Variants in SPART observed in about 807,000 individuals in gnomAD.
SPART encodes spartin.
In SPART, 35 loss-of-function variants were observed where a neutral mutation model predicts 58.7. That is an observed-to-expected ratio of 0.60 (90% confidence interval 0.46 to 0.79). The LOEUF (loss-of-function observed/expected upper bound fraction) is 0.79. SPART is among the 30% of genes least tolerant of loss of function. The probability of loss-of-function intolerance (pLI) is 0.00; values close to 1 mark genes in which losing one functional copy is unlikely to be tolerated. For synonymous variants in SPART, 284 were observed against 280.7 expected (o/e 1.01, Z -0.12); for missense variants, 730 against 786.1 (o/e 0.93, Z 0.85).
At chr13:36,314,501 G>A in intron 5 of SPART, 80 bp from the exon 6 acceptor site, 3 of 1,372,336 alleles carry the variant, frequency 2.2e-6, no homozygotes, top group Admixed American at 1.7e-5. Flanking sequence ...ACATCAACCA[G>A]AAAAAAATAA....
intron 4 of SPART, among the ~76,000 whole-genome samples, chr13:36,327,809 G>A (rs1053805701): frequency 2.6e-5 from 4 of 152,142 alleles, no homozygotes; most frequent in African/African-American, 9.7e-5. Context: ...CCAACATGGT[G>A]AAACTGAAAC....
intron 1 of SPART, among the ~76,000 whole-genome samples, chr13:36,364,794 GTTGAC>G (rs1281857882): frequency 6.6e-6 from 1 of 152,138 alleles, no homozygotes; most frequent in African/African-American, 2.4e-5. Context: ...GTTTGCAAAA[GTTGAC>G]TTGACCAAGG....
chr13:36,358,597 C>G (rs1885714523), intron 1 of SPART, among the ~76,000 whole-genome samples: 1 of 152,104 alleles, frequency 6.6e-6, no homozygotes, highest in African/African-American at 2.4e-5. Context: ...TTCTGCAATC[C>G]AAAATATTTC....
intron 6 of SPART, among the ~76,000 whole-genome samples, chr13:36,312,922 G>A (rs1053786194): frequency 6.6e-6 from 1 of 150,400 alleles, no homozygotes; most frequent in African/African-American, 2.5e-5. Context: ...CCAGCTTAGC[G>A]TATTCATATT....
At chr13:36,326,512 ATCTT>A in intron 5 of SPART, 59 bp downstream of exon 5, 1 of 1,577,772 alleles carries the variant, frequency 6.3e-7, no homozygotes, top group Non-Finnish European at 8.7e-7. Flanking sequence ...AATAAACAAT[ATCTT>A]TATTTGGTTC....
intron 5 of SPART, among the ~76,000 whole-genome samples, chr13:36,323,891 A>G (rs1158740394): frequency 6.6e-6 from 1 of 152,228 alleles, no homozygotes; most frequent in Non-Finnish European, 1.5e-5. Context: ...TAAGTAATAA[A>G]GAAGTCCTCT....
chr13:36,350,357 T>C (rs1885362716), upstream of SPART, among the ~76,000 whole-genome samples: 1 of 152,218 alleles, frequency 6.6e-6, no homozygotes, highest in African/African-American at 2.4e-5. Context: ...AATTACATGG[T>C]GGACACTGAC....
In SPART at chr13:36,326,662, G is replaced by A; in HGVS notation, c.1201C>T (p.His401Tyr). Residue 401 changes from histidine (H) to tyrosine (Y), a missense_variant, in exon 5 of 9, where the codon CAC becomes TAC. Coordinates refer to ENST00000438666, the MANE Select transcript of SPART (RefSeq NM_015087.5). ...DTSSEEVNLS[H>Y]IVPCEPVPEE... ...GGAACTGGCTCACATGGTACAATGT[G>A]ACTCAGGTTAACTTCTTCACTTGAA... is the stretch of plus-strand genomic sequence containing the variant. 1.2e-6 allele frequency: 2 copies of A among 1,613,266 alleles called. No homozygotes were observed. The highest frequency in any genetic ancestry group is 1.7e-6 in the Non-Finnish European group (2 of 1,179,816).
At chr13:36,322,075 TTA>T (rs1882467290) in intron 5 of SPART, among the ~76,000 whole-genome samples, 1 of 152,088 alleles carries the variant, frequency 6.6e-6, no homozygotes, top group Non-Finnish European at 1.5e-5. Flanking sequence ...GGCCCCACCC[TTA>T]TCTCCCTTTG....
At chr13:36,350,624 G>C (rs888454040), upstream of SPART, among the ~76,000 whole-genome samples, 7 of 122,230 alleles carry the variant, frequency 5.7e-5, no homozygotes, top group African/African-American at 1.9e-4. Context: ...TTTCTCCCCT[G>C]TCTTTTTTTC....
At chr13:36,308,427 T>C (rs55708645) in intron 8 of SPART, 1 of 152,194 alleles carries the variant, frequency 6.6e-6, no homozygotes, top group Admixed American at 6.5e-5. Context: ...ACCTGGTTTT[T>C]ATTTAAATTC....
At chr13:36,368,336 T>G (rs1343366510) in intron 1 of SPART, 1 of 276,462 alleles carries the variant, frequency 3.6e-6, no homozygotes, top group Admixed American at 5.0e-5. Context: ...GAAGGACCAT[T>G]AAAAAAGGTA....
chr13:36,328,323 A>G (rs1047165456), intron 4 of SPART, among the ~76,000 whole-genome samples: 2 of 152,188 alleles, frequency 1.3e-5, no homozygotes, highest in African/African-American at 4.8e-5. Context: ...ACAATACTAA[A>G]CTGCCTATGA....
Position 36,331,484 on chromosome 13 carries a change from C to T in SPART, c.923G>A (p.Gly308Glu), listed in dbSNP as rs775909985. The change falls in exon 3 of 9, where the codon GGG becomes GAG. Residue 308 changes from glycine (G) to glutamate (E), a missense_variant. By Grantham distance (98) the Gly-to-Glu change is moderately conservative. Coordinates refer to ENST00000438666, the MANE Select transcript of SPART (RefSeq NM_015087.5). Reference sequence around the variant, plus strand: ...TGGTAACTCAGAGGACAGGACGACCCCCACAAAGCATCCTGCTGCTTGTAG... The same window carrying T: ...TGGTAACTCAGAGGACAGGACGACCTCCACAAAGCATCCTGCTGCTTGTAG... ...TMLQAAGCFV[G>E]VVLSSELPED... is the part of the protein sequence containing the mutation. 6.2e-7 allele frequency: 1 copy of T among 1,613,998 alleles called. No homozygotes were observed. The highest frequency in any genetic ancestry group is 8.5e-7 in the Non-Finnish European group (1 of 1,179,982).
rs547899073 is a variant in SPART at position 36,337,618 on chromosome 13, C to T, written c.-2-1786G>A. Among the ~76,000 whole-genome samples, 8 of 152,262 alleles carry T rather than the reference C, an allele frequency of 5.3e-5. No homozygotes were observed. In the East Asian group the frequency reaches 9.6e-4, roughly 18 times the overall value. ...AAGTTTCCTGAGGCCTCCCCAGCCA[C>T]GCAGAACTGAGTCAATTAAACCTCT... On this transcript the variant is annotated intron_variant, in intron 1 of 8. Coordinates refer to ENST00000438666, the MANE Select transcript of SPART (RefSeq NM_015087.5).
At chr13:36,335,969 A>G in intron 1 of SPART, 137 bp from the exon 2 acceptor site, 1 of 709,336 alleles carries the variant, frequency 1.4e-6, no homozygotes, top group Non-Finnish European at 2.4e-6. Context: ...CTATCCTTTA[A>G]GCCTACTATT....
intron 5 of SPART, among the ~76,000 whole-genome samples, chr13:36,324,985 C>T (rs1882775388): frequency 1.3e-5 from 2 of 152,120 alleles, no homozygotes; most frequent in Non-Finnish European, 2.9e-5. Context: ...GCCATTTTCA[C>T]TTCTTTTGTG....
intron 1 of SPART, among the ~76,000 whole-genome samples, chr13:36,341,825 A>G (rs1194350372): frequency 6.6e-6 from 1 of 152,210 alleles, no homozygotes; most frequent in African/African-American, 2.4e-5. Flanking sequence ...TATACAATTG[A>G]CCATATACAG....
intron 2 of SPART, among the ~76,000 whole-genome samples, chr13:36,332,619 T>C (rs1883564007): frequency 1.3e-5 from 2 of 152,252 alleles, no homozygotes; most frequent in South Asian, 4.1e-4. Flanking sequence ...TTAATGTTTA[T>C]GGATTATCTA....
Sources: gnomAD v4.1 joint callset for allele counts (sites outside exome capture counted in the v4.1 genomes callset) on GRCh38, gnomAD v4.1.1 for gene constraint, MANE v1.5 for transcripts, NCBI Gene and HGNC (gene_info 2026-07-23, HGNC 2026-07-21) for gene names.